Variants in MASP1 observed in about 807,000 individuals in gnomAD.
The protein encoded by MASP1 is mannan-binding lectin serine protease 1.
MASP1 carries 59 observed loss-of-function variants against 77.1 expected under a neutral mutation model. That is an observed-to-expected ratio of 0.77 (90% CI 0.62 to 0.95). The LOEUF (loss-of-function observed/expected upper bound fraction) is 0.95. Among genes scored for constraint, MASP1 ranks in the 40% least tolerant of loss-of-function variants. MASP1 has a pLI of 0.00. For synonymous variants in MASP1, 362 were observed against 354.5 expected, an observed-to-expected ratio of 1.02 and a Z score of -0.24; for missense variants, 885 against 912.9, an observed-to-expected ratio of 0.97 and a Z score of 0.39.
At chr3:187,285,065 C>G (rs972422766) in intron 2 of MASP1, among the ~76,000 whole-genome samples, 1 of 152,132 alleles carries the variant, frequency 6.6e-6, no homozygotes, top group Non-Finnish European at 1.5e-5. Flanking sequence ...TCTTTTTTAA[C>G]TAGATATAAC....
At chr3:187,249,968 G>C (rs1714422497) in intron 8 of MASP1, among the ~76,000 whole-genome samples, 1 of 152,228 alleles carries the variant, frequency 6.6e-6, no homozygotes, top group African/African-American at 2.4e-5. Context: ...CTGGACACGT[G>C]CTATTCCTTT....
At chr3:187,291,002 A>C (rs1487719218) in intron 1 of MASP1, among the ~76,000 whole-genome samples, 4 of 151,148 alleles carry the variant, frequency 2.6e-5, no homozygotes, top group Non-Finnish European at 5.9e-5. Context: ...TAAGTATGAT[A>C]TCTCTTTAAG....
At chr3:187,228,271 A>G (rs850320) in intron 11 of MASP1, among the ~76,000 whole-genome samples, 140,559 of 147,702 alleles carry the variant, frequency 0.95, 67,306 homozygotes, top group East Asian at 1. Context: ...TGGTGACAGA[A>G]TGAGACTCCG....
intron 8 of MASP1, chr3:187,245,049 A>G (rs190104696): frequency 2.3e-4 from 35 of 152,344 alleles, no homozygotes; most frequent in African/African-American, 7.9e-4. Context: ...AAGAAGGCCA[A>G]TCAAGACAAC....
chr3:187,254,087 A>G (rs1243502126), intron 5 of MASP1, among the ~76,000 whole-genome samples: 1 of 152,188 alleles, frequency 6.6e-6, no homozygotes, highest in Non-Finnish European at 1.5e-5. Context: ...TAAAGCAGAG[A>G]TGATCTCTGC....
intron 1 of MASP1, chr3:187,291,386 G>A: frequency 1.7e-6 from 1 of 589,878 alleles, no homozygotes; most frequent in Admixed American, 2.7e-5. Flanking sequence ...AGCTTCAGCA[G>A]CGTCCGGAGC....
At chr3:187,261,054 A>C (rs1377254876) in intron 3 of MASP1, among the ~76,000 whole-genome samples, 182 bp from the exon 4 acceptor site, 1 of 152,196 alleles carries the variant, frequency 6.6e-6, no homozygotes, top group East Asian at 1.9e-4. Context: ...AGGAAACTGG[A>C]ACTCAGAGAG....
In MASP1 at chr3:187,258,730, C is replaced by T. The variant is rs889535888; in HGVS notation, c.548-1870G>A. ...CCAATCACAGAGTTTTGGCCAGTCA[C>T]GGGTGGCCATCTGTTCAAACTGCCT... On this transcript the variant is annotated intron_variant, in intron 4 of 10. Coordinates refer to ENST00000296280, the MANE Select transcript of MASP1 (RefSeq NM_139125.4). 5.3e-5 allele frequency among the ~76,000 whole-genome samples: 8 copies of T among 152,344 alleles called. 1 individual carries two copies. Among genetic ancestry groups the T allele is most frequent in the Admixed American group, 2.6e-4 (4 of 15,304 alleles).
chr3:187,255,885 C>G (rs1325671777), intron 5 of MASP1, among the ~76,000 whole-genome samples: 1 of 151,930 alleles, frequency 6.6e-6, no homozygotes, highest in African/African-American at 2.4e-5. Flanking sequence ...ATCAGCACCT[C>G]TTTAAACATT....
chr3:187,228,817 A>T (rs1402828416), intron 11 of MASP1, among the ~76,000 whole-genome samples: 1 of 152,174 alleles, frequency 6.6e-6, no homozygotes, highest in African/African-American at 2.4e-5. Flanking sequence ...TGGGTCTGAG[A>T]GAATGTAAGG....
chr3:187,251,827 C>T, intron 6 of MASP1, 75 bp from the exon 7 acceptor site: 1 of 1,129,310 alleles, frequency 8.9e-7, no homozygotes, highest in Admixed American at 1.7e-5. Flanking sequence ...CCCTAGAAAG[C>T]AAGGCCTGAT....
intron 8 of MASP1, among the ~76,000 whole-genome samples, chr3:187,246,133 C>T (rs1714062879): frequency 6.6e-6 from 1 of 152,206 alleles, no homozygotes. Flanking sequence ...CATGCTCTGG[C>T]CACCCTGAAG....
chr3:187,268,287 G>A (rs572197646), intron 2 of MASP1, among the ~76,000 whole-genome samples: 3 of 152,120 alleles, frequency 2.0e-5, no homozygotes, highest in Non-Finnish European at 2.9e-5. Context: ...TTCAACACCA[G>A]CCTGGGCATC....
chr3:187,283,788 G>A (rs749856163), intron 2 of MASP1, among the ~76,000 whole-genome samples: 13 of 152,108 alleles, frequency 8.5e-5, no homozygotes, highest in Admixed American at 3.9e-4. Flanking sequence ...TTTTTCTTCC[G>A]GTTAAGACAA....
intron 8 of MASP1, chr3:187,246,428 G>A: frequency 7.1e-6 from 7 of 985,456 alleles, no homozygotes; most frequent in Non-Finnish European, 8.4e-6. Context: ...TTTGGGTGGT[G>A]TCTCTAGCCG....
intron 2 of MASP1, among the ~76,000 whole-genome samples, chr3:187,271,622 A>G (rs1001255382): frequency 1.3e-5 from 2 of 151,944 alleles, no homozygotes; most frequent in African/African-American, 4.8e-5. Context: ...AACTGTTAGC[A>G]ATGGTTAGTG....
At chr3:187,250,481 G>T in intron 7 of MASP1, 152 bp from the exon 8 acceptor site, 1 of 735,994 alleles carries the variant, frequency 1.4e-6, no homozygotes. Flanking sequence ...CTTGAAGGTA[G>T]GGGAAAGATA....
chr3:187,232,473 C>T (rs1228994407), downstream of MASP1, among the ~76,000 whole-genome samples: 1 of 152,182 alleles, frequency 6.6e-6, no homozygotes, highest in South Asian at 2.1e-4. Flanking sequence ...TGCTCATAAA[C>T]TCTTCCAGCT....
At chr3:187,273,344 C>G (rs1340017964) in intron 2 of MASP1, among the ~76,000 whole-genome samples, 1 of 152,186 alleles carries the variant, frequency 6.6e-6, no homozygotes, top group East Asian at 1.9e-4. Context: ...ACAAAGCCTT[C>G]TAACAGTCCT....
Sources: gnomAD v4.1 joint callset for allele counts (sites outside exome capture counted in the v4.1 genomes callset) on GRCh38, gnomAD v4.1.1 for gene constraint, MANE v1.5 for transcripts, NCBI Gene and HGNC (gene_info 2026-07-23, HGNC 2026-07-21) for gene names.